ZFHX3: variants seen among roughly 807,000 people sequenced by gnomAD.
The protein encoded by ZFHX3 is zinc finger homeobox protein 3.
In ZFHX3, 42 loss-of-function variants were observed where a neutral mutation model predicts 279.1. That is an observed-to-expected ratio of 0.15 (90% CI 0.12 to 0.19). The LOEUF (loss-of-function observed/expected upper bound fraction) is 0.19. ZFHX3 is among the 10% of genes least tolerant of loss of function. The pLI, the probability that ZFHX3 is intolerant of heterozygous loss-of-function variation, is 1.00. For synonymous variants in ZFHX3, 2,293 were observed against 1,957.8 expected (o/e 1.17, Z -4.52); for missense variants, 4,981 against 4,754.0 (o/e 1.05, Z -1.40).
intron 6 of ZFHX3, among the ~76,000 whole-genome samples, chr16:73,136,263 G>C (rs1299923194): frequency 6.6e-6 from 1 of 151,930 alleles, no homozygotes; most frequent in Non-Finnish European, 1.5e-5. Flanking sequence ...AGTAAACAAG[G>C]AGATCTTGGG....
intron 3 of ZFHX3, among the ~76,000 whole-genome samples, chr16:72,946,553 C>CAA (rs1370365120): frequency 6.6e-6 from 1 of 152,138 alleles, no homozygotes; most frequent in East Asian, 1.9e-4. Context: ...CACTGATTTC[C>CAA]AACTGCCCTT....
chr16:73,837,527 G>T (rs1961174583), intron 1 of ZFHX3, among the ~76,000 whole-genome samples: 1 of 152,208 alleles, frequency 6.6e-6, no homozygotes, highest in Admixed American at 6.5e-5. Context: ...AAAGAGCTAT[G>T]CATGCCCATG....
intron 1 of ZFHX3, among the ~76,000 whole-genome samples, chr16:73,878,710 G>C (rs57475308): frequency 6.6e-6 from 1 of 151,482 alleles, no homozygotes; most frequent in African/African-American, 2.4e-5. Flanking sequence ...CCTCAAGCTA[G>C]TATTTAATGC....
At chr16:73,448,905 G>C (rs1597339616) in intron 3 of ZFHX3, among the ~76,000 whole-genome samples, 1 of 152,132 alleles carries the variant, frequency 6.6e-6, no homozygotes, top group East Asian at 1.9e-4. Context: ...CTCTATAAAA[G>C]GAAATTTAGA....
intron 1 of ZFHX3, among the ~76,000 whole-genome samples, chr16:73,688,018 G>C (rs893889904): frequency 6.6e-6 from 1 of 151,944 alleles, no homozygotes; most frequent in African/African-American, 2.4e-5. Flanking sequence ...AGTGGACATG[G>C]GACATTATGG....
At chr16:72,952,984 ATTT>A (rs1961066328) in intron 2 of ZFHX3, among the ~76,000 whole-genome samples, 1 of 152,064 alleles carries the variant, frequency 6.6e-6, no homozygotes, top group Non-Finnish European at 1.5e-5. Context: ...AGGTTATTTT[ATTT>A]TTTACAACTG....
rs1034423235 is a variant in ZFHX3 at position 73,446,534 on chromosome 16, C to T, written c.-1291+9469G>A. ...CTCCCACAAGGTCCCTCCCCCAACACGTGAGGATTACAGTTTGGATTACAA... is the reference window on the plus strand; with the variant it reads ...CTCCCACAAGGTCCCTCCCCCAACATGTGAGGATTACAGTTTGGATTACAA... On this transcript the variant is annotated intron_variant, in intron 3 of 17. Coordinates refer to the ZFHX3 transcript ENST00000641206. Among the ~76,000 whole-genome samples the T allele has an allele frequency of 3.8e-4, 58 of 152,142 alleles. 1 individual carries two copies. Among genetic ancestry groups the T allele is most frequent in the African/African-American group, 7.7e-4 (32 of 41,442 alleles).
chr16:73,364,826 G>A (rs2016502385), intron 3 of ZFHX3, among the ~76,000 whole-genome samples: 1 of 152,182 alleles, frequency 6.6e-6, no homozygotes. Context: ...TCATGGGAGT[G>A]CTATAGCTAA....
At chr16:73,254,627 G>A (rs1289427179) in intron 5 of ZFHX3, among the ~76,000 whole-genome samples, 1 of 151,886 alleles carries the variant, frequency 6.6e-6, no homozygotes, top group Non-Finnish European at 1.5e-5. Context: ...AGTCTAGAAG[G>A]ATATTAAAAC....
intron 1 of ZFHX3, among the ~76,000 whole-genome samples, chr16:73,017,306 G>A (rs1964137602): frequency 6.6e-6 from 1 of 152,094 alleles, no homozygotes; most frequent in Non-Finnish European, 1.5e-5. Context: ...AGACGTGATG[G>A]GAATTTTCTA....
intron 1 of ZFHX3, among the ~76,000 whole-genome samples, chr16:73,053,477 G>C (rs547721242): frequency 3.9e-5 from 6 of 152,048 alleles, no homozygotes; most frequent in Non-Finnish European, 7.4e-5. Flanking sequence ...AAGGTTTTTC[G>C]GTGGGTGGGG....
intron 3 of ZFHX3, among the ~76,000 whole-genome samples, chr16:72,905,631 G>A (rs896884798): frequency 2.6e-5 from 4 of 152,046 alleles, no homozygotes; most frequent in Admixed American, 6.6e-5. Flanking sequence ...ACATGTGTGC[G>A]GGCAGTGTTC....
intron 2 of ZFHX3, among the ~76,000 whole-genome samples, chr16:73,505,625 A>T (rs2019314103): frequency 1.3e-5 from 2 of 152,204 alleles, no homozygotes; most frequent in Admixed American, 1.3e-4. Flanking sequence ...GGTAAGAATG[A>T]AACAATTCTG....
intron 1 of ZFHX3, among the ~76,000 whole-genome samples, chr16:73,821,461 T>C (rs1032531511): frequency 6.6e-6 from 1 of 152,238 alleles, no homozygotes; most frequent in Non-Finnish European, 1.5e-5. Context: ...CTATGACCTG[T>C]TGGGTGGCCT....
chr16:73,283,205 C>T (rs1483817261), intron 4 of ZFHX3, among the ~76,000 whole-genome samples: 6 of 152,152 alleles, frequency 3.9e-5, no homozygotes. Context: ...CACCTGCTTT[C>T]CGGCAACTGT....
At chr16:73,275,905 T>G (rs2014282923) in intron 4 of ZFHX3, among the ~76,000 whole-genome samples, 2 of 152,152 alleles carry the variant, frequency 1.3e-5, no homozygotes, top group Non-Finnish European at 2.9e-5. Context: ...AGCCTTACAG[T>G]GAGACTTTTG....
At chr16:72,815,462 AG>A (rs1469640447) in intron 5 of ZFHX3, among the ~76,000 whole-genome samples, 2 of 151,752 alleles carry the variant, frequency 1.3e-5, no homozygotes, top group African/African-American at 4.8e-5. Context: ...ATGCTGGATG[AG>A]GGTTTATCAC....
Position 73,647,631 on chromosome 16 carries a change from T to C in ZFHX3, c.-1547+32549A>G, listed in dbSNP as rs2142162376. On this transcript the variant is annotated intron_variant, in intron 2 of 17. Transcript: ENST00000641206. ...AATTACCCAGTCTCAGGTAGTTCTT[T>C]ATAGCAGTGTGGAAATAGACTATAC... Among the ~76,000 whole-genome samples the C allele has an allele frequency of 2.0e-5, 3 of 152,250 alleles. 1 individual carries two copies. In the Middle Eastern group the frequency reaches 0.01, roughly 518 times the overall value.
intron 1 of ZFHX3, among the ~76,000 whole-genome samples, chr16:73,804,915 G>GAGGGAGAGGGAGGGAGGGTGA (rs1213343893): frequency 8.4e-6 from 1 of 119,094 alleles, no homozygotes; most frequent in African/African-American, 4.0e-5. Flanking sequence ...GGGAGGGAGG[G>GAGGGAGAGGGAGGGAGGGTGA]GAGGGAGAGG....
Sources: allele counts gnomAD v4.1 joint callset (sites outside exome capture counted in the v4.1 genomes callset), GRCh38; gene constraint gnomAD v4.1.1; transcripts MANE v1.5; gene names NCBI Gene and HGNC (gene_info 2026-07-23, HGNC 2026-07-21).